CGNL1: variants seen among roughly 807,000 people sequenced by gnomAD.
CGNL1 encodes cingulin-like protein 1.
Under a neutral mutation model 141.2 loss-of-function variants are expected in CGNL1, and 132 were observed. That is an observed-to-expected ratio of 0.93 (90% confidence interval 0.81 to 1.08). The LOEUF is 1.08. CGNL1 is among the 50% of genes least tolerant of loss of function. The pLI is 0.00. For missense variants in CGNL1, 1,870 were observed against 1,588.6 expected, an observed-to-expected ratio of 1.18 and a Z score of -3.01; for synonymous variants, 690 against 622.1, an observed-to-expected ratio of 1.11 and a Z score of -1.63.
At chr15:57,424,620 TC>T (rs2062953382) in intron 1 of CGNL1, among the ~76,000 whole-genome samples, 2 of 152,160 alleles carry the variant, frequency 1.3e-5, no homozygotes, top group South Asian at 4.1e-4. Flanking sequence ...GGTTTGGGTA[TC>T]GGGTTATATT....
intron 8 of CGNL1, among the ~76,000 whole-genome samples, chr15:57,465,624 C>G (rs541578117): frequency 6.6e-6 from 1 of 151,504 alleles, no homozygotes; most frequent in Admixed American, 6.6e-5. Context: ...CCCCTGACCT[C>G]AGGGGATCCG....
intron 1 of CGNL1, among the ~76,000 whole-genome samples, chr15:57,381,363 C>T (rs2062422697): frequency 6.6e-6 from 1 of 152,106 alleles, no homozygotes; most frequent in Non-Finnish European, 1.5e-5. Context: ...AGGTCAATAC[C>T]AGCCTGGACA....
At chr15:57,404,740 G>A (rs1232074742) in intron 1 of CGNL1, among the ~76,000 whole-genome samples, 1 of 152,160 alleles carries the variant, frequency 6.6e-6, no homozygotes, top group African/African-American at 2.4e-5. Context: ...AAATCTGGAG[G>A]AACTCAAGAG....
chr15:57,416,601 T>G (rs1873096888), intron 1 of CGNL1, among the ~76,000 whole-genome samples: 1 of 152,226 alleles, frequency 6.6e-6, no homozygotes, highest in Non-Finnish European at 1.5e-5. Context: ...GCCTCCAGAT[T>G]GGCATGCTGC....
rs748030532 is a variant in CGNL1, at chr15:57,438,047, G to A, written c.48G>A (p.Gly16=). 6.2e-7 allele frequency: 1 copy of A among 1,613,818 alleles called. No individual in the cohort carries two copies. Among genetic ancestry groups the A allele is most frequent in the South Asian group, 1.1e-5 (1 of 91,060 alleles). Residue 16 remains glycine, a synonymous_variant, in exon 2 of 19, where the codon GGG becomes GGA. Coordinates refer to ENST00000281282, the MANE Select transcript of CGNL1 (RefSeq NM_032866.5). ...ATCAACATGTGCAGCAGGAATATGGGGTCCATCTGAGACTCGCAAGTGATG... is the reference window on the plus strand; with the variant it reads ...ATCAACATGTGCAGCAGGAATATGGAGTCCATCTGAGACTCGCAAGTGATG... ...GEYQHVQQEY[G]VHLRLASDDT...
Position 57,464,295 on chromosome 15 carries a change from A to T in CGNL1, c.2403+2403A>T, listed in dbSNP as rs2063482465. ...GAGAATGCTGGGCCCATGTTGCTAGATCTTTCATTTTTTTCAAGAAGCCAG... is the reference window on the plus strand; with the variant it reads ...GAGAATGCTGGGCCCATGTTGCTAGTTCTTTCATTTTTTTCAAGAAGCCAG... On this transcript the variant is annotated intron_variant, in intron 8 of 18. Coordinates refer to ENST00000281282, the MANE Select transcript of CGNL1 (RefSeq NM_032866.5). Among the ~76,000 whole-genome samples the T allele has an allele frequency of 3.9e-5, 6 of 152,082 alleles. No homozygotes were observed. In the South Asian group the frequency reaches 1.3e-3, roughly 32 times the overall value.
At chr15:57,520,845 C>T (rs575743460) in intron 10 of CGNL1, among the ~76,000 whole-genome samples, 2 of 152,274 alleles carry the variant, frequency 1.3e-5, no homozygotes, top group East Asian at 3.9e-4. Flanking sequence ...GACCAACTTC[C>T]TTCTGGTTAA....
rs1595706619 is a variant in CGNL1 at position 57,439,551 on chromosome 15, G to T, written c.1552G>T (p.Gly518Cys). 1 of 1,614,036 alleles carries T rather than the reference G, an allele frequency of 6.2e-7. No individual in the cohort carries two copies. The highest frequency in any genetic ancestry group is 1.1e-5 in the South Asian group (1 of 91,072). Reference protein sequence around the residue: ...NRATATSPDSGAKKISVKTFP... With the variant: ...NRATATSPDSCAKKISVKTFP... Reference sequence around the variant, plus strand: ...GGCAACAGCAACTTCGCCTGATTCTGGTGCCAAGAAAATTTCCGTGAAGAC... The same window carrying T: ...GGCAACAGCAACTTCGCCTGATTCTTGTGCCAAGAAAATTTCCGTGAAGAC... The change falls in exon 2 of 19, where the codon GGT becomes TGT. Residue 518 changes from glycine (G) to cysteine (C), a missense_variant. Coordinates refer to ENST00000281282, the MANE Select transcript of CGNL1 (RefSeq NM_032866.5).
At chr15:57,544,654 T>A (rs1163456930) in intron 16 of CGNL1, 57 bp downstream of exon 16, 1 of 1,543,892 alleles carries the variant, frequency 6.5e-7, no homozygotes, top group Non-Finnish European at 8.7e-7. Flanking sequence ...GACAGTCCCA[T>A]CGCAATGTGT....
At chr15:57,388,553 T>C (rs932535125) in intron 1 of CGNL1, among the ~76,000 whole-genome samples, 3 of 152,252 alleles carry the variant, frequency 2.0e-5, no homozygotes, top group African/African-American at 4.8e-5. Context: ...GCTGTAGATA[T>C]GTGTGCTCGC....
chr15:57,492,153 C>G (rs1452119464), intron 8 of CGNL1, among the ~76,000 whole-genome samples: 2 of 152,210 alleles, frequency 1.3e-5, no homozygotes, highest in East Asian at 3.8e-4. Flanking sequence ...TGGAGGCATA[C>G]ACTTGATTTA....
intron 1 of CGNL1, among the ~76,000 whole-genome samples, chr15:57,424,804 T>C (rs1260572160): frequency 6.6e-6 from 1 of 152,160 alleles, no homozygotes; most frequent in Non-Finnish European, 1.5e-5. Context: ...TTGTACAAGG[T>C]AGGTAACATC....
intron 12 of CGNL1, 76 bp from the exon 13 acceptor site, chr15:57,528,578 G>T: frequency 2.0e-6 from 3 of 1,488,506 alleles, no homozygotes; most frequent in Non-Finnish European, 2.8e-6. Flanking sequence ...GGTGGGGTCA[G>T]CCTGTGCACT....
chr15:57,531,886 A>T (rs1486226387), intron 14 of CGNL1, 107 bp downstream of exon 14: 2 of 701,026 alleles, frequency 2.9e-6, no homozygotes, highest in African/African-American at 1.8e-5. Context: ...AATTCATGCC[A>T]TCTAGAAATT....
At chr15:57,528,572 G>C (rs1248095849) in intron 12 of CGNL1, 82 bp from the exon 13 acceptor site, 7 of 1,397,470 alleles carry the variant, frequency 5.0e-6, no homozygotes, top group Non-Finnish European at 6.9e-6. Context: ...CCTTTTGGTG[G>C]GGTCAGCCTG....
intron 10 of CGNL1, among the ~76,000 whole-genome samples, chr15:57,520,711 C>T (rs985727457): frequency 3.3e-5 from 5 of 152,186 alleles, no homozygotes; most frequent in Admixed American, 6.5e-5. Context: ...ACAGTGCATA[C>T]ATTATTCCTA....
At chr15:57,469,081 A>G (rs1170160810) in intron 8 of CGNL1, among the ~76,000 whole-genome samples, 1 of 152,118 alleles carries the variant, frequency 6.6e-6, no homozygotes, top group African/African-American at 2.4e-5. Flanking sequence ...CAGAGACCTA[A>G]TGTGGGGACA....
At chr15:57,441,163 G>C (rs1328241504) in intron 3 of CGNL1, among the ~76,000 whole-genome samples, 1 of 150,910 alleles carries the variant, frequency 6.6e-6, no homozygotes, top group African/African-American at 2.4e-5. Context: ...GTATATTTTT[G>C]TATTGTGCCT....
chr15:57,444,810 G>T (rs2063231614), intron 4 of CGNL1, among the ~76,000 whole-genome samples: 1 of 152,242 alleles, frequency 6.6e-6, no homozygotes, highest in Non-Finnish European at 1.5e-5. Context: ...GACATTGGAA[G>T]TTGGAAGTTA....
Sources: allele counts gnomAD v4.1 joint callset (sites outside exome capture counted in the v4.1 genomes callset), GRCh38; gene constraint gnomAD v4.1.1; transcripts MANE v1.5; gene names NCBI Gene and HGNC (gene_info 2026-07-23, HGNC 2026-07-21).